CDH13: variants seen among roughly 807,000 people sequenced by gnomAD.
CDH13 encodes the protein cadherin 13.
A neutral mutation model predicts 63.8 loss-of-function variants in CDH13; 24 were observed. The ratio of observed to expected loss-of-function variants is 0.38; its 90% CI spans 0.27 to 0.53. The LOEUF is 0.53. CDH13 is among the 20% of genes least tolerant of loss of function. The pLI is 0.85. For missense variants in CDH13, 1,049 were observed against 903.1 expected, an observed-to-expected ratio of 1.16 and a Z score of -2.07; for synonymous variants, 503 against 355.3, an observed-to-expected ratio of 1.42 and a Z score of -4.67.
chr16:83,184,129 C>A (rs894429231), intron 4 of CDH13, among the ~76,000 whole-genome samples: 1 of 133,998 alleles, frequency 7.5e-6, no homozygotes, highest in Admixed American at 7.3e-5. Context: ...CACACACATA[C>A]ACACACACAC....
rs548224393 is a variant in CDH13 at position 82,820,156 on chromosome 16, T to A, written c.46-38206T>A. On this transcript the variant is annotated intron_variant, in intron 1 of 13. Coordinates refer to ENST00000567109, the MANE Select transcript of CDH13 (RefSeq NM_001257.5). ...CTGCAATGTGGGGAAGTGGGAATGA[T>A]TAAATATCATTGATTTGTTTTTACT... 1.1e-3 allele frequency among the ~76,000 whole-genome samples: 168 copies of A among 152,262 alleles called. 1 individual carries two copies. The highest frequency in any genetic ancestry group is 3.8e-3 in the African/African-American group (156 of 41,566).
intron 4 of CDH13, among the ~76,000 whole-genome samples, chr16:83,160,671 T>C (rs899413589): frequency 6.6e-6 from 1 of 152,184 alleles, no homozygotes; most frequent in Non-Finnish European, 1.5e-5. Context: ...ACTTCTGATC[T>C]GGAGGGAAAG....
At chr16:82,924,851 C>T (rs1261408349) in intron 2 of CDH13, among the ~76,000 whole-genome samples, 2 of 152,078 alleles carry the variant, frequency 1.3e-5, no homozygotes. Flanking sequence ...CAGATGTTCT[C>T]AGTGCTATTA....
intron 6 of CDH13, among the ~76,000 whole-genome samples, chr16:83,409,574 A>G (rs2092097241): frequency 6.6e-6 from 1 of 152,214 alleles, no homozygotes; most frequent in South Asian, 2.1e-4. Context: ...GAGTTTCACC[A>G]TCAATATTGA....
chr16:83,297,434 G>T (rs1422005353), intron 5 of CDH13, among the ~76,000 whole-genome samples: 1 of 152,092 alleles, frequency 6.6e-6, no homozygotes, highest in African/African-American at 2.4e-5. Context: ...AGGTGAAGAA[G>T]GTGTGAATAA....
intron 5 of CDH13, among the ~76,000 whole-genome samples, chr16:83,227,888 C>A (rs1271872535): frequency 6.6e-6 from 1 of 152,174 alleles, no homozygotes; most frequent in Non-Finnish European, 1.5e-5. Flanking sequence ...TTTCACAGTG[C>A]TGGGGATACA....
intron 3 of CDH13, among the ~76,000 whole-genome samples, chr16:83,039,148 A>G (rs147900606): frequency 9.1e-4 from 139 of 152,316 alleles, no homozygotes; most frequent in African/African-American, 3.2e-3. Context: ...CACAGGCTAT[A>G]TACGCTTGGA....
intron 6 of CDH13, among the ~76,000 whole-genome samples, chr16:83,451,488 A>C (rs1223449883): frequency 1.3e-5 from 2 of 152,190 alleles, no homozygotes; most frequent in Non-Finnish European, 2.9e-5. Context: ...GTGGGGACAC[A>C]GCCAAACCAT....
At chr16:83,049,115 C>T (rs1226903430) in intron 3 of CDH13, among the ~76,000 whole-genome samples, 1 of 152,052 alleles carries the variant, frequency 6.6e-6, no homozygotes, top group East Asian at 1.9e-4. Context: ...ATTTACATAA[C>T]ATAAAATTAA....
At chr16:83,586,251 A>G (rs1279702982) in intron 7 of CDH13, among the ~76,000 whole-genome samples, 1 of 152,160 alleles carries the variant, frequency 6.6e-6, no homozygotes, top group Non-Finnish European at 1.5e-5. Flanking sequence ...GCTTGCACCC[A>G]CGGCTGAGGT....
chr16:83,648,131 A>T (rs144919621), intron 8 of CDH13, among the ~76,000 whole-genome samples: 34 of 152,240 alleles, frequency 2.2e-4, no homozygotes, highest in African/African-American at 7.7e-4. Context: ...GAGTTAAGGG[A>T]AACCAAAGCC....
At chr16:83,469,130 C>A (rs573251726) in intron 6 of CDH13, among the ~76,000 whole-genome samples, 5 of 152,240 alleles carry the variant, frequency 3.3e-5, no homozygotes, top group African/African-American at 1.2e-4. Context: ...TCAGCAGAAG[C>A]AGAAAGTTCA....
intron 2 of CDH13, among the ~76,000 whole-genome samples, chr16:82,935,273 T>G (rs2042631929): frequency 6.6e-6 from 1 of 152,036 alleles, no homozygotes; most frequent in African/African-American, 2.4e-5. Context: ...CCATGAGAAC[T>G]CACTCACTAT....
chr16:82,662,207 T>A (rs543969810), intron 1 of CDH13, among the ~76,000 whole-genome samples: 27 of 139,074 alleles, frequency 1.9e-4, no homozygotes, highest in African/African-American at 6.4e-4. Context: ...TACAAAACTT[T>A]ATGATATTAA....
intron 7 of CDH13, among the ~76,000 whole-genome samples, chr16:83,542,891 C>T (rs933503207): frequency 3.2e-4 from 49 of 152,368 alleles, no homozygotes; most frequent in African/African-American, 1.1e-3. Flanking sequence ...ACAAAGACTT[C>T]ACTTTCAAAT....
chr16:82,793,159 C>T (rs766219815), intron 1 of CDH13, among the ~76,000 whole-genome samples: 2 of 152,140 alleles, frequency 1.3e-5, no homozygotes, highest in Non-Finnish European at 2.9e-5. Context: ...CCTCTGGAAG[C>T]GGCATCAGTG....
chr16:83,652,145 C>T lies in CDH13; in HGVS notation c.1102-18645C>T, dbSNP rs189028291. On this transcript the variant is annotated intron_variant, in intron 8 of 13. Coordinates refer to ENST00000567109, the MANE Select transcript of CDH13 (RefSeq NM_001257.5). ...CGTGCTCATGGGAATTACAGTCGGG[C>T]CCAAGGGGTCTATTTGAAATGGGAA... Among the ~76,000 whole-genome samples the T allele has an allele frequency of 2.6e-5, 4 of 152,252 alleles. No individual in the cohort carries two copies. In the East Asian group the frequency reaches 7.7e-4, roughly 29 times the overall value.
At chr16:83,499,175 G>C (rs2074215129) in intron 7 of CDH13, among the ~76,000 whole-genome samples, 1 of 152,170 alleles carries the variant, frequency 6.6e-6, no homozygotes, top group South Asian at 2.1e-4. Context: ...TCCTACACTG[G>C]TATTCTATTA....
chr16:83,136,731 G>C (rs529307914), intron 4 of CDH13, among the ~76,000 whole-genome samples: 1 of 152,174 alleles, frequency 6.6e-6, no homozygotes, highest in African/African-American at 2.4e-5. Flanking sequence ...GACAGCTTCA[G>C]TACAATCTTG....
Sources: gnomAD v4.1 joint callset for allele counts (sites outside exome capture counted in the v4.1 genomes callset) on GRCh38, gnomAD v4.1.1 for gene constraint, MANE v1.5 for transcripts, NCBI Gene and HGNC (gene_info 2026-07-23, HGNC 2026-07-21) for gene names.